Variants in RNF157 observed in about 807,000 individuals in gnomAD.
RNF157 encodes E3 ubiquitin ligase RNF157.
In RNF157, 55 loss-of-function variants were observed where a neutral mutation model predicts 88.3. The ratio of observed to expected loss-of-function variants is 0.62; its 90% CI spans 0.50 to 0.78. The LOEUF (loss-of-function observed/expected upper bound fraction) is 0.78. RNF157 is among the 30% of genes least tolerant of loss of function. RNF157 has a pLI of 0.00. For synonymous variants in RNF157, 334 were observed against 341.2 expected (o/e 0.98, Z 0.23); for missense variants, 788 against 860.8 (o/e 0.92, Z 1.06).
chr17:76,226,847 G>A (rs908000531), intron 1 of RNF157: 6 of 1,445,304 alleles, frequency 4.2e-6, no homozygotes, highest in South Asian at 4.1e-5. Context: ...TGCTTAATTC[G>A]AAGGTGTCTT....
chr17:76,190,756 A>C (rs1188599889), intron 2 of RNF157, among the ~76,000 whole-genome samples: 1 of 151,760 alleles, frequency 6.6e-6, no homozygotes, highest in Non-Finnish European at 1.5e-5. Context: ...AAACACAAAA[A>C]ATTAGCCGGG....
chr17:76,213,486 C>T (rs539023061), intron 1 of RNF157, among the ~76,000 whole-genome samples: 1 of 151,370 alleles, frequency 6.6e-6, no homozygotes, highest in East Asian at 2.0e-4. Context: ...AGGAGAATCT[C>T]TCGAACCCGG....
In RNF157 at chr17:76,208,988, A is replaced by T. The variant is rs77107809; in HGVS notation, c.207+3376T>A. ...GACTCTGCCTCAAAAAAAAAAAAAA[A>T]TTCATTTGCTATGTGTAACATTAAG... On this transcript the variant is annotated intron_variant, in intron 2 of 18. Transcript: ENST00000269391. Among the ~76,000 whole-genome samples the T allele has an allele frequency of 2.0e-5, 3 of 152,068 alleles. No homozygotes were observed. In the South Asian group the frequency reaches 6.2e-4, roughly 32 times the overall value.
intron 11 of RNF157, 112 bp from the exon 12 acceptor site, chr17:76,159,685 G>T (rs1174237221): frequency 3.9e-6 from 3 of 777,332 alleles, no homozygotes; most frequent in Admixed American, 2.6e-5. Context: ...TCTTGGGGGG[G>T]TCTGGTAAGA....
At chr17:76,209,758 A>G (rs866777384) in intron 2 of RNF157, among the ~76,000 whole-genome samples, 43 of 152,178 alleles carry the variant, frequency 2.8e-4, no homozygotes, top group African/African-American at 9.6e-4. Context: ...GGCTACTTTC[A>G]TTTTTGTTTT....
At chr17:76,177,513 A>G (rs2069123815) in intron 2 of RNF157, among the ~76,000 whole-genome samples, 1 of 151,700 alleles carries the variant, frequency 6.6e-6, no homozygotes, top group Non-Finnish European at 1.5e-5. Flanking sequence ...ACTGATGAGC[A>G]TGAGGGAAGG....
intron 1 of RNF157, among the ~76,000 whole-genome samples, chr17:76,220,775 T>A (rs2069969393): frequency 6.6e-6 from 1 of 152,036 alleles, no homozygotes. Context: ...CTGGCCAACA[T>A]GGTGAAACCC....
chr17:76,179,995 A>T (rs2069165084), intron 2 of RNF157, among the ~76,000 whole-genome samples: 1 of 152,182 alleles, frequency 6.6e-6, no homozygotes, highest in African/African-American at 2.4e-5. Flanking sequence ...GACAAGGAAG[A>T]CCAGATAAAG....
intron 7 of RNF157, among the ~76,000 whole-genome samples, chr17:76,165,232 T>C (rs1334066111): frequency 1.3e-5 from 2 of 152,138 alleles, no homozygotes; most frequent in African/African-American, 4.8e-5. Flanking sequence ...AGCAGAATTA[T>C]ACAATCCTAA....
intron 2 of RNF157, chr17:76,175,634 C>T (rs916502694): frequency 1.9e-5 from 6 of 319,306 alleles, no homozygotes; most frequent in African/African-American, 1.4e-4. Flanking sequence ...GACACAAACG[C>T]TAGTCTATTC....
chr17:76,151,854 G>A (rs574511088), intron 18 of RNF157, among the ~76,000 whole-genome samples: 1 of 152,312 alleles, frequency 6.6e-6, no homozygotes, highest in South Asian at 2.1e-4. Context: ...GTAACCCAAA[G>A]CTCACTGGAT....
At chr17:76,163,431 G>A (rs1183779055) in intron 8 of RNF157, 7 of 152,200 alleles carry the variant, frequency 4.6e-5, no homozygotes, top group Non-Finnish European at 1.0e-4. Context: ...CTGACCTCAA[G>A]TGATCCACCT....
At chr17:76,152,333 T>C in intron 18 of RNF157, 22 bp downstream of exon 18, 4 of 1,462,392 alleles carry the variant, frequency 2.7e-6, no homozygotes, top group Non-Finnish European at 3.8e-6. Flanking sequence ...ACCAAGTTCA[T>C]GTTCAGCAGA....
At chr17:76,210,711 T>C (rs1234255886) in intron 2 of RNF157, among the ~76,000 whole-genome samples, 1 of 151,960 alleles carries the variant, frequency 6.6e-6, no homozygotes, top group Non-Finnish European at 1.5e-5. Flanking sequence ...AAAAAGCAAT[T>C]TCTCCAGGTC....
At chr17:76,148,269 T>C (rs1339137957) in intron 18 of RNF157, among the ~76,000 whole-genome samples, 2 of 148,800 alleles carry the variant, frequency 1.3e-5, no homozygotes, top group Non-Finnish European at 3.0e-5. Context: ...GCCTTTTTTT[T>C]TTTTTTTTTT....
intron 2 of RNF157, among the ~76,000 whole-genome samples, chr17:76,210,908 G>T (rs978350513): frequency 6.6e-6 from 1 of 152,104 alleles, no homozygotes. Context: ...GGGTTCAAGC[G>T]ATTCTCCTGC....
intron 2 of RNF157, among the ~76,000 whole-genome samples, chr17:76,190,166 C>CTTTTTTTTTTTTTT (rs1568050564): frequency 1.8e-5 from 2 of 114,030 alleles, no homozygotes. Flanking sequence ...ACTGCTTGCT[C>CTTTTTTTTTTTTTT]TCTCTTTTTT....
intron 2 of RNF157, among the ~76,000 whole-genome samples, chr17:76,191,600 C>CAAAAAA (rs71363619): frequency 1.5e-5 from 1 of 65,254 alleles, no homozygotes; most frequent in Non-Finnish European, 3.1e-5. Context: ...GACTCCGCCT[C>CAAAAAA]AAAAAAAAAA....
chr17:76,175,899 C>T (rs4143087), intron 2 of RNF157: 1 of 543,276 alleles, frequency 1.8e-6, no homozygotes, highest in African/African-American at 2.1e-5. Flanking sequence ...TTGATGATAA[C>T]TGTGGCAATG....
Sources: allele counts gnomAD v4.1 joint callset (sites outside exome capture counted in the v4.1 genomes callset), GRCh38; gene constraint gnomAD v4.1.1; transcripts MANE v1.5; gene names NCBI Gene and HGNC (gene_info 2026-07-23, HGNC 2026-07-21).